GABRB1: variants seen among roughly 807,000 people sequenced by gnomAD.
GABRB1 encodes the protein gamma-aminobutyric acid receptor subunit beta-1.
A neutral mutation model predicts 51.6 loss-of-function variants in GABRB1; 17 were observed. The ratio of observed to expected loss-of-function variants is 0.33; its 90% CI spans 0.23 to 0.49. The LOEUF (loss-of-function observed/expected upper bound fraction) is 0.49, where lower values mean the gene tolerates loss of function less well. GABRB1 is among the 20% of genes least tolerant of loss of function. The probability of loss-of-function intolerance (pLI) is 0.99; values close to 1 mark genes in which losing one functional copy is unlikely to be tolerated. For missense variants in GABRB1, 410 were observed against 600.6 expected, an observed-to-expected ratio of 0.68 and a Z score of 3.32; for synonymous variants, 247 against 218.9, an observed-to-expected ratio of 1.13 and a Z score of -1.14.
At chr4:47,017,101 C>A (rs1444627128) in intron 1 of GABRB1, among the ~76,000 whole-genome samples, 2 of 152,150 alleles carry the variant, frequency 1.3e-5, no homozygotes, top group African/African-American at 4.8e-5. Context: ...TAGAAAGAGA[C>A]GCTGTGGAGT....
chr4:47,155,916 CATATATATATAT>C lies in GABRB1; in HGVS notation c.241-5314_241-5303del, dbSNP rs10525795. On this transcript the variant is annotated intron_variant, in intron 3 of 8. Coordinates refer to ENST00000295454, the MANE Select transcript of GABRB1 (RefSeq NM_000812.4). The stretch of plus-strand genomic sequence containing the variant: ...TACTCATACTAAAAAGAGGTATTTT[CATATATATATAT>C]ATATATATATATATATATGAAACCA... Among the ~76,000 whole-genome samples, 34 of 73,624 alleles carry C rather than the reference CATATATATATAT, an allele frequency of 4.6e-4. 1 individual carries two copies. In the South Asian group the frequency reaches 7.3e-3, roughly 16 times the overall value. 48.3% of individuals were successfully genotyped at this position (73,624 alleles called of 152,430 possible).
intron 4 of GABRB1, among the ~76,000 whole-genome samples, chr4:47,194,916 T>G (rs940667414): frequency 6.6e-6 from 1 of 152,020 alleles, no homozygotes; most frequent in African/African-American, 2.4e-5. Flanking sequence ...AGTCCAAAGG[T>G]TTTACAATTT....
At chr4:47,282,230 C>T (rs1450410461) in intron 4 of GABRB1, among the ~76,000 whole-genome samples, 4 of 152,146 alleles carry the variant, frequency 2.6e-5, no homozygotes, top group Non-Finnish European at 1.5e-5. Flanking sequence ...CTCTAAAACA[C>T]ATGTTCTTTT....
chr4:47,189,754 G>C (rs1719357158), intron 4 of GABRB1, among the ~76,000 whole-genome samples: 1 of 151,994 alleles, frequency 6.6e-6, no homozygotes, highest in African/African-American at 2.4e-5. Flanking sequence ...TCAAGGTAGA[G>C]TACCTGTTTT....
At chr4:47,400,921 CTTTTTT>C (rs71195629) in intron 5 of GABRB1, among the ~76,000 whole-genome samples, 5 of 98,540 alleles carry the variant, frequency 5.1e-5, no homozygotes, top group Admixed American at 3.8e-4. Flanking sequence ...TTGTTCTTCT[CTTTTTT>C]TTTTTTTTTT....
At chr4:47,204,267 T>C (rs926884502) in intron 4 of GABRB1, among the ~76,000 whole-genome samples, 2 of 152,116 alleles carry the variant, frequency 1.3e-5, no homozygotes, top group African/African-American at 2.4e-5. Flanking sequence ...GCAATTTCTC[T>C]GTCTGTATTT....
At position 47,186,437 on chromosome 4, in the gene GABRB1, G is replaced by A. The variant is rs558017702; in HGVS notation, c.461+24968G>A. Among the ~76,000 whole-genome samples the A allele has an allele frequency of 1.8e-4, 27 of 151,938 alleles. No individual in the cohort carries two copies. In the East Asian group the frequency reaches 5.0e-3, roughly 28 times the overall value. ...TTGGTGTAAACATTGATTTATGGAA[G>A]AAATTTGTCTGAAAACATTAGGGTA... On this transcript the variant is annotated intron_variant, in intron 4 of 8. Transcript: ENST00000295454.
intron 3 of GABRB1, among the ~76,000 whole-genome samples, chr4:47,048,059 A>G (rs1726177638): frequency 6.6e-6 from 1 of 152,184 alleles, no homozygotes; most frequent in African/African-American, 2.4e-5. Context: ...GAGACCAGAA[A>G]GTAAATTTCT....
chr4:47,299,790 C>T (rs1423322501), intron 4 of GABRB1, among the ~76,000 whole-genome samples: 1 of 151,998 alleles, frequency 6.6e-6, no homozygotes, highest in Non-Finnish European at 1.5e-5. Context: ...CACATGCACA[C>T]GTATGTTTAT....
At chr4:47,143,616 C>G (rs768304656) in intron 3 of GABRB1, among the ~76,000 whole-genome samples, 4 of 151,880 alleles carry the variant, frequency 2.6e-5, no homozygotes, top group Non-Finnish European at 2.9e-5. Context: ...GGTGCTTTGT[C>G]ATTCAACTCT....
At chr4:47,290,883 CA>C (rs1723701057) in intron 4 of GABRB1, among the ~76,000 whole-genome samples, 1 of 152,014 alleles carries the variant, frequency 6.6e-6, no homozygotes, top group Non-Finnish European at 1.5e-5. Context: ...ATAAGGGAAG[CA>C]GAGCATAAAA....
At chr4:47,382,642 T>G (rs1727633272) in intron 5 of GABRB1, among the ~76,000 whole-genome samples, 1 of 152,188 alleles carries the variant, frequency 6.6e-6, no homozygotes, top group South Asian at 2.1e-4. Context: ...TTTCTCCATC[T>G]GAAAAAGTGA....
chr4:47,401,054 A>G (rs982974367), intron 5 of GABRB1, among the ~76,000 whole-genome samples: 7 of 149,938 alleles, frequency 4.7e-5, no homozygotes, highest in African/African-American at 1.7e-4. Context: ...GTAGTACTCC[A>G]TGGTGTATAT....
chr4:47,301,296 G>T (rs1285482597), intron 4 of GABRB1, among the ~76,000 whole-genome samples: 1 of 152,130 alleles, frequency 6.6e-6, no homozygotes, highest in African/African-American at 2.4e-5. Context: ...TGGGCAATCA[G>T]TTTAAAAAGA....
At chr4:47,146,610 C>T (rs901969184) in intron 3 of GABRB1, among the ~76,000 whole-genome samples, 1 of 151,978 alleles carries the variant, frequency 6.6e-6, no homozygotes, top group Non-Finnish European at 1.5e-5. Flanking sequence ...TCCGTGGAGG[C>T]ATCTATCCAA....
chr4:47,269,167 T>C (rs1722758384), intron 4 of GABRB1, among the ~76,000 whole-genome samples: 1 of 152,216 alleles, frequency 6.6e-6, no homozygotes, highest in Admixed American at 6.5e-5. Context: ...AATTTGTTAC[T>C]TTTAGCTTGC....
chr4:47,065,558 T>C (rs1292580631), intron 3 of GABRB1, among the ~76,000 whole-genome samples: 1 of 152,272 alleles, frequency 6.6e-6, no homozygotes, highest in Non-Finnish European at 1.5e-5. Flanking sequence ...TACTTCAGAA[T>C]TGAATTCCAA....
intron 4 of GABRB1, among the ~76,000 whole-genome samples, chr4:47,173,358 A>C (rs978048147): frequency 6.6e-6 from 1 of 152,176 alleles, no homozygotes. Context: ...TGCCTTTTCA[A>C]CTAAAGTATG....
intron 5 of GABRB1, among the ~76,000 whole-genome samples, chr4:47,368,412 C>T (rs28681526): frequency 0.53 from 80,021 of 151,826 alleles, 21,580 homozygotes; most frequent in African/African-American, 0.58. Context: ...TCTGGAGGCA[C>T]TTGTGGTTGT....
Sources: allele counts gnomAD v4.1 joint callset (sites outside exome capture counted in the v4.1 genomes callset), GRCh38; gene constraint gnomAD v4.1.1; transcripts MANE v1.5; gene names NCBI Gene and HGNC (gene_info 2026-07-23, HGNC 2026-07-21).